VPS13A: variants seen among roughly 807,000 people sequenced by gnomAD.
The protein encoded by VPS13A is vacuolar protein sorting 13 homolog A.
Under a neutral mutation model 390.9 loss-of-function variants are expected in VPS13A, and 264 were observed. The observed-to-expected ratio is 0.68, with a 90% confidence interval of 0.61 to 0.75. The LOEUF is 0.75. VPS13A is among the 30% of genes least tolerant of loss of function. The pLI is 0.00. For synonymous variants in VPS13A, 1,231 were observed against 1,227.1 expected (o/e 1.00, Z -0.07); for missense variants, 3,409 against 3,733.9 (o/e 0.91, Z 2.27).
intron 10 of VPS13A, 126 bp from the exon 11 acceptor site, chr9:77,219,828 G>T: frequency 1.1e-6 from 1 of 943,996 alleles, no homozygotes; most frequent in Non-Finnish European, 1.6e-6. Flanking sequence ...ATGGCAGTGT[G>T]AACATCTGGG....
At chr9:77,252,826 G>C (rs1259845579) in intron 22 of VPS13A, among the ~76,000 whole-genome samples, 1 of 152,152 alleles carries the variant, frequency 6.6e-6, no homozygotes, top group South Asian at 2.1e-4. Flanking sequence ...AGAATTTCAT[G>C]TATTTTTAAG....
chr9:77,188,797 G>T (rs1824497580), intron 1 of VPS13A, among the ~76,000 whole-genome samples: 1 of 151,948 alleles, frequency 6.6e-6, no homozygotes, highest in Non-Finnish European at 1.5e-5. Context: ...TGTTATTTTT[G>T]ACTTTTTAAT....
intron 55 of VPS13A, 29 bp from the exon 56 acceptor site, chr9:77,357,663 T>A: frequency 6.2e-7 from 1 of 1,608,196 alleles, no homozygotes; most frequent in East Asian, 2.2e-5. Flanking sequence ...ATAAATTAAT[T>A]TTTTCATTTG....
chr9:77,365,013 AACC>A (rs1832357690), intron 59 of VPS13A, among the ~76,000 whole-genome samples: 2 of 152,218 alleles, frequency 1.3e-5, no homozygotes, highest in Non-Finnish European at 2.9e-5. Flanking sequence ...TCAAGAATGA[AACC>A]ACCAATCAAT....
chr9:77,347,730 A>T (rs1360836209), intron 52 of VPS13A, among the ~76,000 whole-genome samples: 1 of 152,210 alleles, frequency 6.6e-6, no homozygotes, highest in Non-Finnish European at 1.5e-5. Context: ...GTTTTCTAAA[A>T]TAAGAAATAT....
chr9:77,394,355 C>T (rs570297038), intron 68 of VPS13A, among the ~76,000 whole-genome samples: 34 of 152,166 alleles, frequency 2.2e-4, no homozygotes, highest in Non-Finnish European at 2.9e-5. Flanking sequence ...ACGTGAGATG[C>T]CTCATGTGGC....
intron 9 of VPS13A, 70 bp downstream of exon 9, chr9:77,213,384 A>G: frequency 7.9e-7 from 1 of 1,258,620 alleles, no homozygotes; most frequent in Admixed American, 1.7e-5. Flanking sequence ...ATTGTCATTT[A>G]TCTAATATAC....
intron 1 of VPS13A, among the ~76,000 whole-genome samples, chr9:77,196,565 G>A (rs112930732): frequency 1.4e-4 from 21 of 152,040 alleles, no homozygotes; most frequent in Admixed American, 1.1e-3. Context: ...GATTTCACAC[G>A]TGAAATCATG....
intron 68 of VPS13A, chr9:77,395,859 T>TAAAAAA (rs1410468864): frequency 2.0e-5 from 3 of 152,214 alleles, no homozygotes; most frequent in Non-Finnish European, 2.9e-5. Flanking sequence ...AATCTTTTTT[T>TAAAAAA]CCTTTCAAGG....
chr9:77,348,738 G>T (rs1831302173), intron 52 of VPS13A, among the ~76,000 whole-genome samples: 1 of 152,066 alleles, frequency 6.6e-6, no homozygotes, highest in African/African-American at 2.4e-5. Flanking sequence ...TCGTCACATT[G>T]TGTTACTTTC....
rs1033846372 is a variant in VPS13A at position 77,316,890 on chromosome 9, G to A, written c.4863+484G>A. 2.6e-5 allele frequency among the ~76,000 whole-genome samples: 4 copies of A among 151,952 alleles called. No individual in the cohort carries two copies. In the South Asian group the frequency reaches 8.3e-4, roughly 31 times the overall value. ...CTTCACATTGATATTTTACTCTCTA[G>A]TAACCTCTTGGCCTTCCTCCTCTTC... On this transcript the variant is annotated intron_variant, in intron 39 of 71. Coordinates refer to ENST00000360280, the MANE Select transcript of VPS13A (RefSeq NM_033305.3).
chr9:77,353,818 A>T (rs557311501), intron 54 of VPS13A, among the ~76,000 whole-genome samples, 177 bp downstream of exon 54: 61 of 152,230 alleles, frequency 4.0e-4, no homozygotes, highest in African/African-American at 1.4e-3. Context: ...TGAAATAAAG[A>T]TATGGCAGAA....
chr9:77,317,840 C>A, intron 40 of VPS13A, 142 bp downstream of exon 40: 1 of 537,028 alleles, frequency 1.9e-6, no homozygotes, highest in Non-Finnish European at 3.2e-6. Context: ...GAGATATTTA[C>A]AAAGTAATAT....
At chr9:77,204,042 G>T (rs1378027434) in intron 3 of VPS13A, among the ~76,000 whole-genome samples, 1 of 151,964 alleles carries the variant, frequency 6.6e-6, no homozygotes, top group African/African-American at 2.4e-5. Context: ...ATATAAAAAA[G>T]AAATCAGATA....
chr9:77,201,396 T>A lies in VPS13A; in HGVS notation c.176T>A (p.Val59Asp), dbSNP rs1825322504. Residue 59 changes from valine to aspartate, a missense_variant, in exon 3 of 72, where the codon GTT becomes GAT. By Grantham distance (152) the Val-to-Asp change is radical (BLOSUM62 -3). Coordinates refer to ENST00000360280, the MANE Select transcript of VPS13A (RefSeq NM_033305.3). ...CTGGATGTACCATTTAAAGTTAAAGTTGGTCACATAGGTAAGCCATATTCA... is the reference window on the plus strand; with the variant it reads ...CTGGATGTACCATTTAAAGTTAAAGATGGTCACATAGGTAAGCCATATTCA... ...SQLDVPFKVK[V>D]GHIGNLKLII... The A allele has an allele frequency of 1.2e-6, 2 of 1,610,622 alleles. No individual in the cohort carries two copies. The highest frequency in any genetic ancestry group is 1.7e-6 in the Non-Finnish European group (2 of 1,177,098).
chr9:77,368,375 ATAAATAAATCTT>A (rs1215786149), intron 62 of VPS13A, among the ~76,000 whole-genome samples: 1 of 152,250 alleles, frequency 6.6e-6, no homozygotes, highest in Admixed American at 6.5e-5. Context: ...AGGACTGGAA[ATAAATAAATCTT>A]TAAATAAAAT....
chr9:77,314,783 C>T, intron 37 of VPS13A, 119 bp downstream of exon 37: 6 of 938,966 alleles, frequency 6.4e-6, no homozygotes, highest in Non-Finnish European at 1.0e-5. Context: ...TTTAAAGCTT[C>T]AATTCAGTCA....
At chr9:77,388,746 A>G (rs930277173) in intron 68 of VPS13A, among the ~76,000 whole-genome samples, 3 of 152,214 alleles carry the variant, frequency 2.0e-5, no homozygotes, top group Admixed American at 6.5e-5. Context: ...AGATTTAGCT[A>G]AGTATACCCA....
intron 19 of VPS13A, among the ~76,000 whole-genome samples, chr9:77,246,752 G>A (rs1383906774): frequency 2.0e-5 from 3 of 152,072 alleles, no homozygotes; most frequent in Non-Finnish European, 4.4e-5. Flanking sequence ...AGTGAATGAA[G>A]GACCTAGGGA....
Sources: gnomAD v4.1 joint callset for allele counts (sites outside exome capture counted in the v4.1 genomes callset) on GRCh38, gnomAD v4.1.1 for gene constraint, MANE v1.5 for transcripts, NCBI Gene and HGNC (gene_info 2026-07-23, HGNC 2026-07-21) for gene names.